The following NEGR1 variants were observed in gnomAD, a reference collection of about 807,000 sequenced individuals.
The protein encoded by NEGR1 is IgLON family member 4.
NEGR1 carries 10 observed loss-of-function variants against 40.9 expected under a neutral mutation model. The ratio of observed to expected loss-of-function variants is 0.24; its 90% CI spans 0.15 to 0.42. The LOEUF is 0.42. Among genes scored for constraint, NEGR1 ranks in the 10% least tolerant of loss-of-function variants. The pLI, the probability that NEGR1 is intolerant of heterozygous loss-of-function variation, is 1.00. For missense variants in NEGR1, 352 were observed against 438.9 expected, an observed-to-expected ratio of 0.80 and a Z score of 1.77; for synonymous variants, 185 against 166.8, an observed-to-expected ratio of 1.11 and a Z score of -0.84.
In NEGR1 at chr1:71,451,766, A is replaced by G. The variant is rs1021683635; in HGVS notation, c.941-44196T>C. On this transcript the variant is annotated intron_variant, in intron 6 of 6. Transcript: ENST00000357731. ...CAGTTTTATAAAAGCAAGTATTTAA[A>G]TTTCCTCTGAAATAGGATATTTTAA... Among the ~76,000 whole-genome samples, 6 of 152,296 alleles carry G rather than the reference A, an allele frequency of 3.9e-5. No individual in the cohort carries two copies. In the South Asian group the frequency reaches 1.2e-3, roughly 32 times the overall value.
At chr1:72,053,021 T>C (rs1647076421) in intron 1 of NEGR1, among the ~76,000 whole-genome samples, 1 of 151,420 alleles carries the variant, frequency 6.6e-6, no homozygotes, top group South Asian at 2.1e-4. Context: ...TATTACTATA[T>C]TAATGCTTAT....
intron 6 of NEGR1, among the ~76,000 whole-genome samples, chr1:71,476,396 T>C (rs1646821001): frequency 6.6e-6 from 1 of 152,156 alleles, no homozygotes; most frequent in African/African-American, 2.4e-5. Flanking sequence ...ATGTAACCTT[T>C]TCCAAAGAGA....
intron 6 of NEGR1, among the ~76,000 whole-genome samples, chr1:71,535,531 C>G (rs1045955329): frequency 3.3e-5 from 5 of 151,688 alleles, no homozygotes; most frequent in African/African-American, 1.2e-4. Context: ...TTCAGCTTCA[C>G]AGTCAATCCA....
At chr1:72,282,122 G>A (rs1159129941) in intron 1 of NEGR1, among the ~76,000 whole-genome samples, 197 bp downstream of exon 1, 2 of 152,124 alleles carry the variant, frequency 1.3e-5, no homozygotes. Context: ...AGCATCACGA[G>A]TCCAGCTTGC....
At chr1:71,754,004 A>G (rs1288311668) in intron 3 of NEGR1, among the ~76,000 whole-genome samples, 3 of 151,054 alleles carry the variant, frequency 2.0e-5, no homozygotes, top group Non-Finnish European at 4.4e-5. Flanking sequence ...TGAATTGAGC[A>G]TAAAGCACAC....
intron 4 of NEGR1, among the ~76,000 whole-genome samples, chr1:71,631,353 G>C (rs1235562048): frequency 6.6e-6 from 1 of 151,748 alleles, no homozygotes; most frequent in Non-Finnish European, 1.5e-5. Flanking sequence ...GTAAAGCTAA[G>C]TAGCTTTCTG....
At chr1:72,144,236 C>T (rs1002412318) in intron 1 of NEGR1, among the ~76,000 whole-genome samples, 6 of 151,442 alleles carry the variant, frequency 4.0e-5, no homozygotes, top group East Asian at 1.9e-4. Flanking sequence ...CCCAATCATT[C>T]GTTCATTCAC....
intron 3 of NEGR1, among the ~76,000 whole-genome samples, chr1:71,764,420 CT>C (rs1013967119): frequency 1.4e-4 from 21 of 152,078 alleles, no homozygotes; most frequent in Admixed American, 9.8e-4. Context: ...TCTCTCTTTA[CT>C]TTTTTTGCTA....
At position 71,407,351 on chromosome 1, in the gene NEGR1, T is replaced by G; in HGVS notation, c.*95A>C. The G allele has an allele frequency of 8.7e-7, 1 of 1,155,516 alleles. No individual in the cohort carries two copies. Among genetic ancestry groups the G allele is most frequent in the Non-Finnish European group, 1.3e-6 (1 of 794,534 alleles). The allele number at this position is 1,155,516 out of a possible 1,614,324, so 71.6% of individuals were successfully genotyped here. A position where few individuals can be genotyped will look rare whatever the true frequency, so the allele number is the denominator to read the frequency against. On this transcript the variant is annotated 3_prime_UTR_variant, in exon 7 of 7. Transcript: ENST00000357731. ...TCATCCCCATGTAAGCACTGCTGAT[T>G]ATATCCCACGCTGCTTTTAACAAAC...
At chr1:71,879,466 G>C (rs1660523855) in intron 2 of NEGR1, among the ~76,000 whole-genome samples, 1 of 152,160 alleles carries the variant, frequency 6.6e-6, no homozygotes, top group African/African-American at 2.4e-5. Context: ...TACTTTTAGG[G>C]AGGCAAATCA....
chr1:71,530,331 C>G (rs569484860), intron 6 of NEGR1, among the ~76,000 whole-genome samples: 134 of 151,356 alleles, frequency 8.9e-4, no homozygotes, highest in African/African-American at 3.1e-3. Flanking sequence ...AAATTATTTT[C>G]CCACCTGCCT....
chr1:72,229,652 C>A (rs1238634538), intron 1 of NEGR1, among the ~76,000 whole-genome samples: 1 of 151,274 alleles, frequency 6.6e-6, no homozygotes, highest in East Asian at 1.9e-4. Flanking sequence ...TCTTTCTATT[C>A]TGTTTTCTTT....
intron 4 of NEGR1, among the ~76,000 whole-genome samples, chr1:71,690,399 ATGTT>A (rs1653215405): frequency 6.6e-6 from 1 of 151,816 alleles, no homozygotes; most frequent in Non-Finnish European, 1.5e-5. Context: ...TATAAACTAT[ATGTT>A]TGTACTGACT....
chr1:71,756,142 C>T (rs1655724445), intron 3 of NEGR1, among the ~76,000 whole-genome samples: 1 of 152,038 alleles, frequency 6.6e-6, no homozygotes, highest in African/African-American at 2.4e-5. Flanking sequence ...GAAATAAGTT[C>T]TGGCTGAAAA....
At chr1:71,935,414 A>G in intron 1 of NEGR1, 103 bp from the exon 2 acceptor site, 4 of 732,184 alleles carry the variant, frequency 5.5e-6, no homozygotes, top group Non-Finnish European at 9.3e-6. Context: ...ATAGCACAGC[A>G]TCAAATGCAA....
intron 2 of NEGR1, among the ~76,000 whole-genome samples, chr1:71,846,778 A>G (rs1659428772): frequency 6.6e-6 from 1 of 152,142 alleles, no homozygotes; most frequent in Non-Finnish European, 1.5e-5. Context: ...TTCTTGCTGC[A>G]TCCTCACAGT....
intron 1 of NEGR1, among the ~76,000 whole-genome samples, chr1:72,211,743 T>C (rs888139904): frequency 1.3e-5 from 2 of 151,594 alleles, no homozygotes; most frequent in African/African-American, 2.4e-5. Context: ...ACTACATAAA[T>C]AGAATCTGTT....
intron 4 of NEGR1, among the ~76,000 whole-genome samples, chr1:71,619,785 T>C (rs927135504): frequency 2.0e-5 from 3 of 152,060 alleles, no homozygotes; most frequent in Non-Finnish European, 4.4e-5. Flanking sequence ...TAGCTAGTCA[T>C]TTCAGGATGA....
At chr1:72,038,866 A>C (rs1646927623) in intron 1 of NEGR1, among the ~76,000 whole-genome samples, 1 of 152,058 alleles carries the variant, frequency 6.6e-6, no homozygotes, top group Non-Finnish European at 1.5e-5. Context: ...TCAGGTAATC[A>C]AAGAGCTCAC....
Sources: allele counts gnomAD v4.1 joint callset (sites outside exome capture counted in the v4.1 genomes callset), GRCh38; gene constraint gnomAD v4.1.1; transcripts MANE v1.5; gene names NCBI Gene and HGNC (gene_info 2026-07-23, HGNC 2026-07-21).